The following ZBTB7C variants were observed in gnomAD, a reference collection of about 807,000 sequenced individuals.
ZBTB7C encodes zinc finger and BTB domain containing 7C, also known as zinc finger and BTB domain-containing protein 7C.
A neutral mutation model predicts 25.7 loss-of-function variants in ZBTB7C; 8 were observed. The ratio of observed to expected loss-of-function variants is 0.31; its 90% CI spans 0.18 to 0.56. ZBTB7C has a LOEUF of 0.56. Ranked by LOEUF, ZBTB7C falls within the 20% of genes least tolerant of loss-of-function variation. ZBTB7C has a pLI of 0.91. For missense variants in ZBTB7C, 824 were observed against 855.2 expected, an observed-to-expected ratio of 0.96 and a Z score of 0.46; for synonymous variants, 394 against 369.0, an observed-to-expected ratio of 1.07 and a Z score of -0.78.
intron 3 of ZBTB7C, among the ~76,000 whole-genome samples, chr18:48,101,395 T>A (rs535593653): frequency 1.3e-5 from 2 of 152,250 alleles, no homozygotes; most frequent in Non-Finnish European, 2.9e-5. Context: ...ACAACCTATA[T>A]GTTTAAATCA....
chr18:48,034,509 T>TTCCTCCCAGCCCTCC (rs1210354126), intron 4 of ZBTB7C, among the ~76,000 whole-genome samples: 2 of 151,972 alleles, frequency 1.3e-5, no homozygotes, highest in Admixed American at 6.6e-5. Flanking sequence ...CCCAGCCCTC[T>TTCCTCCCAGCCCTCC]TCCTCCCAGC....
At chr18:48,106,679 T>C (rs770732400) in intron 3 of ZBTB7C, among the ~76,000 whole-genome samples, 1 of 152,168 alleles carries the variant, frequency 6.6e-6, no homozygotes, top group Non-Finnish European at 1.5e-5. Context: ...AGGTTCATTC[T>C]ACATCAGTCA....
intron 1 of ZBTB7C, among the ~76,000 whole-genome samples, chr18:48,358,690 T>C (rs2047033726): frequency 6.6e-6 from 1 of 152,140 alleles, no homozygotes; most frequent in Admixed American, 6.5e-5. Flanking sequence ...AACTCCCAAA[T>C]TGCAGTAGCT....
chr18:48,140,213 C>A (rs1377974878), intron 3 of ZBTB7C, among the ~76,000 whole-genome samples: 1 of 152,234 alleles, frequency 6.6e-6, no homozygotes, highest in Non-Finnish European at 1.5e-5. Flanking sequence ...AATGTAGGCA[C>A]ACAAACAGCT....
chr18:48,308,320 C>G (rs1198866354), intron 2 of ZBTB7C, among the ~76,000 whole-genome samples: 2 of 152,230 alleles, frequency 1.3e-5, no homozygotes, highest in Non-Finnish European at 2.9e-5. Flanking sequence ...CCTTCCCCAG[C>G]TATTGTTCCT....
intron 2 of ZBTB7C, among the ~76,000 whole-genome samples, chr18:48,208,894 G>A (rs1034264303): frequency 6.6e-6 from 1 of 152,230 alleles, no homozygotes; most frequent in African/African-American, 2.4e-5. Flanking sequence ...CTTATATTAG[G>A]GTGGCTCTGA....
chr18:48,389,244 T>TGC (rs2047836667), intron 1 of ZBTB7C, among the ~76,000 whole-genome samples: 1 of 114,944 alleles, frequency 8.7e-6, no homozygotes, highest in Non-Finnish European at 1.9e-5. Context: ...CTCGTGTGTG[T>TGC]GTGTGTGTGT....
At chr18:48,111,195 T>G (rs2039226657) in intron 3 of ZBTB7C, among the ~76,000 whole-genome samples, 1 of 152,106 alleles carries the variant, frequency 6.6e-6, no homozygotes, top group Non-Finnish European at 1.5e-5. Context: ...CCCCATCCTT[T>G]CTCATGCTCT....
intron 2 of ZBTB7C, among the ~76,000 whole-genome samples, chr18:48,249,767 TCTTTA>T (rs545648809): frequency 1.3e-5 from 2 of 152,148 alleles, no homozygotes; most frequent in Non-Finnish European, 2.9e-5. Context: ...AACTTTATCA[TCTTTA>T]CTTTATTTAC....
At chr18:48,188,332 A>T (rs2042113882) in intron 2 of ZBTB7C, among the ~76,000 whole-genome samples, 1 of 152,108 alleles carries the variant, frequency 6.6e-6, no homozygotes, top group Admixed American at 6.5e-5. Flanking sequence ...GTGGAGGGGG[A>T]AGCAACACAT....
At chr18:48,191,957 G>A (rs375509546) in intron 2 of ZBTB7C, among the ~76,000 whole-genome samples, 5 of 152,266 alleles carry the variant, frequency 3.3e-5, no homozygotes, top group African/African-American at 4.8e-5. Flanking sequence ...TTTACCAAAC[G>A]ATCTGAAAAC....
intron 4 of ZBTB7C, among the ~76,000 whole-genome samples, chr18:48,034,773 C>T (rs1598746667): frequency 1.3e-5 from 2 of 152,178 alleles, no homozygotes; most frequent in African/African-American, 4.8e-5. Flanking sequence ...GCATCAGGGA[C>T]AGCCAAGGAC....
At chr18:48,347,566 G>A (rs1471946827) in intron 1 of ZBTB7C, among the ~76,000 whole-genome samples, 1 of 152,046 alleles carries the variant, frequency 6.6e-6, no homozygotes, top group Non-Finnish European at 1.5e-5. Context: ...TGCTGCCTCT[G>A]CCTTGGGCCC....
intron 3 of ZBTB7C, among the ~76,000 whole-genome samples, chr18:48,095,408 T>C (rs8083271): frequency 6.6e-6 from 1 of 152,112 alleles, no homozygotes; most frequent in Non-Finnish European, 1.5e-5. Flanking sequence ...GGGATGTCAA[T>C]AAATGATTAT....
chr18:48,316,858 C>G (rs151220993), intron 2 of ZBTB7C, among the ~76,000 whole-genome samples: 122 of 152,346 alleles, frequency 8.0e-4, no homozygotes, highest in African/African-American at 2.8e-3. Flanking sequence ...GATGAGCAAG[C>G]TGCCACACCT....
chr18:48,290,509 G>T (rs1462156923), intron 2 of ZBTB7C, among the ~76,000 whole-genome samples: 1 of 152,248 alleles, frequency 6.6e-6, no homozygotes, highest in Non-Finnish European at 1.5e-5. Flanking sequence ...GCTTGCTGCA[G>T]GGTAGACCCT....
At chr18:48,171,931 G>A (rs1241238720) in intron 3 of ZBTB7C, among the ~76,000 whole-genome samples, 1 of 152,240 alleles carries the variant, frequency 6.6e-6, no homozygotes, top group East Asian at 1.9e-4. Flanking sequence ...TGAAGACTGT[G>A]GTCTTTCTGT....
At chr18:48,061,473 C>T (rs575499450) in intron 3 of ZBTB7C, among the ~76,000 whole-genome samples, 5 of 152,184 alleles carry the variant, frequency 3.3e-5, no homozygotes, top group African/African-American at 1.2e-4. Context: ...ACTCACTGAG[C>T]CCCTCAGGCA....
At chr18:48,172,527 G>T (rs2041520354) in intron 3 of ZBTB7C, among the ~76,000 whole-genome samples, 1 of 152,214 alleles carries the variant, frequency 6.6e-6, no homozygotes, top group African/African-American at 2.4e-5. Flanking sequence ...CCATCAGTGG[G>T]AGCTGGGGGA....
Sources: allele counts gnomAD v4.1 joint callset (sites outside exome capture counted in the v4.1 genomes callset), GRCh38; gene constraint gnomAD v4.1.1; transcripts MANE v1.5; gene names NCBI Gene and HGNC (gene_info 2026-07-23, HGNC 2026-07-21).